DSC1: variants seen among roughly 807,000 people sequenced by gnomAD.
The protein encoded by DSC1 is desmocollin-1.
In DSC1, 79 loss-of-function variants were observed where a neutral mutation model predicts 98.8. The observed-to-expected ratio is 0.80, with a 90% CI of 0.67 to 0.96. The LOEUF (loss-of-function observed/expected upper bound fraction) is 0.96, where lower values mean the gene tolerates loss of function less well. DSC1 is among the 50% of genes least tolerant of loss of function. DSC1 has a pLI of 0.00. For synonymous variants in DSC1, 405 were observed against 372.1 expected (o/e 1.09, Z -1.02); for missense variants, 1,115 against 1,075.9 (o/e 1.04, Z -0.51).
chr18:31,149,864 C>G (rs1363808436), intron 5 of DSC1, among the ~76,000 whole-genome samples: 1 of 152,178 alleles, frequency 6.6e-6, no homozygotes, highest in Non-Finnish European at 1.5e-5. Context: ...ACTCATTTTT[C>G]TCCAAGTAAC....
intron 1 of DSC1, among the ~76,000 whole-genome samples, chr18:31,160,656 C>A (rs941228361): frequency 6.6e-6 from 1 of 152,082 alleles, no homozygotes; most frequent in African/African-American, 2.4e-5. Flanking sequence ...GTGAGACATT[C>A]GTATTTATTT....
intron 5 of DSC1, among the ~76,000 whole-genome samples, chr18:31,153,160 A>G (rs963567505): frequency 6.6e-6 from 1 of 152,094 alleles, no homozygotes; most frequent in South Asian, 2.1e-4. Context: ...GATCACAGTA[A>G]GAAGCAAAGA....
intron 11 of DSC1, 95 bp from the exon 12 acceptor site, chr18:31,134,879 G>T: frequency 8.5e-7 from 1 of 1,179,220 alleles, no homozygotes. Context: ...CTTTCTACTA[G>T]CTGTCTGAGC....
intron 15 of DSC1, chr18:31,131,366 C>T (rs1480049126): frequency 1.7e-6 from 1 of 577,044 alleles, no homozygotes; most frequent in Non-Finnish European, 3.0e-6. Flanking sequence ...GTAAACACAT[C>T]TACATATGGC....
At chr18:31,130,818 A>C (rs1178651924) in intron 15 of DSC1, 107 bp from the exon 16 acceptor site, 1 of 1,612,308 alleles carries the variant, frequency 6.2e-7, no homozygotes, top group Middle Eastern at 1.7e-4. Flanking sequence ...TTTTAATCAG[A>C]GTGTGTCCTC....
In DSC1 at chr18:31,148,620, G is replaced by A; in HGVS notation, c.650C>T (p.Ala217Val). 1 of 1,597,948 alleles carries A rather than the reference G, an allele frequency of 6.3e-7. No individual in the cohort carries two copies. Among genetic ancestry groups the A allele is most frequent in the Middle Eastern group, 1.7e-4 (1 of 6,000 alleles). Residue 217 changes from alanine to valine, a missense_variant, in exon 6 of 16, where the codon GCA becomes GTA. Transcript: ENST00000257198. The stretch of plus-strand genomic sequence containing the variant: ...TGGATATTCTGGTGCATAGCCATCT[G>A]CAGTTGTTGCATAGCCATATAACTG... ...QFALYGYATTADGYAPEYPLP... is the reference protein window; with the variant it reads ...QFALYGYATTVDGYAPEYPLP...
chr18:31,145,099 C>G (rs1023330355), intron 7 of DSC1, among the ~76,000 whole-genome samples: 1 of 151,954 alleles, frequency 6.6e-6, no homozygotes. Context: ...GCCACCAAGC[C>G]CGGCTAATTT....
At chr18:31,135,351 CACAG>C (rs1422424338) in intron 11 of DSC1, among the ~76,000 whole-genome samples, 1 of 152,114 alleles carries the variant, frequency 6.6e-6, no homozygotes, top group Non-Finnish European at 1.5e-5. Context: ...TCGTGACTTC[CACAG>C]ACAATGGTAG....
chr18:31,154,719 A>C, intron 5 of DSC1, 55 bp downstream of exon 5: 1 of 1,404,514 alleles, frequency 7.1e-7, no homozygotes, highest in Non-Finnish European at 9.6e-7. Flanking sequence ...AGTTGAAAAT[A>C]TTAGTAAGCC....
intron 11 of DSC1, among the ~76,000 whole-genome samples, chr18:31,139,027 A>G (rs1178477709): frequency 1.3e-5 from 2 of 151,948 alleles, no homozygotes; most frequent in Non-Finnish European, 2.9e-5. Context: ...TGATGTATAC[A>G]TTAGTATAAT....
At chr18:31,141,871 T>A in intron 9 of DSC1, 128 bp downstream of exon 9, 1 of 889,438 alleles carries the variant, frequency 1.1e-6, no homozygotes, top group Non-Finnish European at 1.6e-6. Context: ...AAAGTTTATA[T>A]AAACCAATAT....
chr18:31,159,649 C>A (rs1989174868), intron 1 of DSC1, 120 bp from the exon 2 acceptor site: 1 of 969,780 alleles, frequency 1.0e-6, no homozygotes, highest in Non-Finnish European at 1.5e-6. Context: ...TCATTTAATT[C>A]TTTACATTTT....
intron 11 of DSC1, among the ~76,000 whole-genome samples, chr18:31,139,263 T>C (rs1432308439): frequency 6.6e-6 from 1 of 152,084 alleles, no homozygotes; most frequent in Non-Finnish European, 1.5e-5. Flanking sequence ...AGTCATTGTT[T>C]GACCATTGCT....
At chr18:31,152,741 G>T (rs941098545) in intron 5 of DSC1, among the ~76,000 whole-genome samples, 1 of 151,978 alleles carries the variant, frequency 6.6e-6, no homozygotes, top group Non-Finnish European at 1.5e-5. Flanking sequence ...AGATACTTAG[G>T]ATCTACCAAT....
At chr18:31,142,278 G>C in intron 8 of DSC1, 94 bp from the exon 9 acceptor site, 8 of 1,374,708 alleles carry the variant, frequency 5.8e-6, no homozygotes, top group African/African-American at 1.5e-5. Flanking sequence ...AATAAATAAA[G>C]TGATGTGAAA....
At chr18:31,147,145 T>C (rs1988862353) in intron 6 of DSC1, among the ~76,000 whole-genome samples, 1 of 134,696 alleles carries the variant, frequency 7.4e-6, no homozygotes, top group Admixed American at 7.4e-5. Flanking sequence ...TAGCATCAAA[T>C]CAGTTTAATT....
At chr18:31,135,997 GT>G (rs1988601372) in intron 11 of DSC1, among the ~76,000 whole-genome samples, 1 of 151,868 alleles carries the variant, frequency 6.6e-6, no homozygotes, top group Admixed American at 6.6e-5. Context: ...AATTTTTTCT[GT>G]TGAATAACTA....
Position 31,154,776 on chromosome 18 carries a change from C to T in DSC1, c.625G>A (p.Ala209Thr). Residue 209 changes from alanine (A) to threonine (T), a missense_variant and splice_region_variant, in exon 5 of 16, where the codon GCG becomes ACG. Coordinates refer to ENST00000257198, the MANE Select transcript of DSC1 (RefSeq NM_024421.2). Reference sequence around the variant, plus strand: ...AATAAATATTTCAATAATCCTACCGCAAACTGTTCATATTTCTCACGGTCA... The same window carrying T: ...AATAAATATTTCAATAATCCTACCGTAAACTGTTCATATTTCTCACGGTCA... ...SIDREKYEQF[A>T]LYGYATTADG... is the part of the protein sequence containing the mutation. 6.2e-7 allele frequency: 1 copy of T among 1,607,832 alleles called. No homozygotes were observed. Among genetic ancestry groups the T allele is most frequent in the Non-Finnish European group, 8.5e-7 (1 of 1,177,156 alleles).
At position 31,139,784 on chromosome 18, in the gene DSC1, T is replaced by A. The variant is rs745950187; in HGVS notation, c.1627A>T (p.Asn543Tyr). The A allele has an allele frequency of 1.3e-5, 21 of 1,610,624 alleles. No individual in the cohort carries two copies. Among genetic ancestry groups the A allele is most frequent in the Non-Finnish European group, 1.8e-5 (21 of 1,178,874 alleles). ...LDRESKFVKN[N>Y]QYNISVVAVD... ...GCAACAACTGAAATATTGTATTGGT[T>A]GTTTTTTACAAATTTGGATTCTCTA... Residue 543 changes from asparagine (N) to tyrosine (Y), a missense_variant, in exon 11 of 16, where the codon AAC becomes TAC. By Grantham distance (143) the Asn-to-Tyr change is moderately radical (BLOSUM62 -2). Coordinates refer to ENST00000257198, the MANE Select transcript of DSC1 (RefSeq NM_024421.2).
Sources: allele counts gnomAD v4.1 joint callset (sites outside exome capture counted in the v4.1 genomes callset), GRCh38; gene constraint gnomAD v4.1.1; transcripts MANE v1.5; gene names NCBI Gene and HGNC (gene_info 2026-07-23, HGNC 2026-07-21).